Variants in ANO4 observed in about 807,000 individuals in gnomAD.
The protein encoded by ANO4 is anoctamin-4.
ANO4 carries 69 observed loss-of-function variants against 141.9 expected under a neutral mutation model. The observed-to-expected ratio is 0.49, with a 90% CI of 0.40 to 0.59. The LOEUF is 0.59. Ranked by LOEUF, ANO4 falls within the 20% of genes least tolerant of loss-of-function variation. ANO4 has a pLI of 0.00. For missense variants in ANO4, 894 were observed against 1,162.2 expected, an observed-to-expected ratio of 0.77 and a Z score of 3.36; for synonymous variants, 350 against 394.3, an observed-to-expected ratio of 0.89 and a Z score of 1.33.
chr12:101,063,830 A>C (rs2048461509), intron 14 of ANO4, among the ~76,000 whole-genome samples: 1 of 99,916 alleles, frequency 1.0e-5, no homozygotes. Context: ...TGTTTATAAT[A>C]TTCTCTTATC....
At position 100,769,043 on chromosome 12, in the gene ANO4, T is replaced by C. The variant is rs142069375; in HGVS notation, c.358+28938T>C. On this transcript the variant is annotated intron_variant, in intron 3 of 29. Coordinates refer to the ANO4 transcript ENST00000644049. Reference sequence around the variant, plus strand: ...TACAATGTGTCAAGTAGCTTCTCTGTTGAAACCAGGAAACAACCAAAATAC... The same window carrying C: ...TACAATGTGTCAAGTAGCTTCTCTGCTGAAACCAGGAAACAACCAAAATAC... Among the ~76,000 whole-genome samples, 622 of 152,296 alleles carry C rather than the reference T, an allele frequency of 4.1e-3. 6 individuals are homozygous for C. The highest frequency in any genetic ancestry group is 0.014 in the African/African-American group (584 of 41,548).
intron 13 of ANO4, among the ~76,000 whole-genome samples, chr12:101,045,420 A>G (rs143356259): frequency 7.9e-5 from 12 of 152,348 alleles, no homozygotes; most frequent in African/African-American, 2.6e-4. Flanking sequence ...GGCCTTGCCT[A>G]GAAACTTAGT....
At chr12:101,033,195 T>C (rs2047048369) in intron 9 of ANO4, among the ~76,000 whole-genome samples, 1 of 152,086 alleles carries the variant, frequency 6.6e-6, no homozygotes, top group East Asian at 1.9e-4. Flanking sequence ...GAAATCATCA[T>C]TCTCAGTAAA....
intron 2 of ANO4, among the ~76,000 whole-genome samples, chr12:100,906,709 G>T (rs950810833): frequency 6.6e-6 from 1 of 152,162 alleles, no homozygotes; most frequent in Non-Finnish European, 1.5e-5. Context: ...CAGGTAGCAG[G>T]AGAGTACAAA....
intron 1 of ANO4, among the ~76,000 whole-genome samples, chr12:100,842,742 A>G (rs1358642870): frequency 2.6e-5 from 4 of 152,042 alleles, no homozygotes; most frequent in East Asian, 1.9e-4. Context: ...CTTACATGGT[A>G]GAAGGTGGAA....
At chr12:100,861,326 C>T (rs2038463342) in intron 1 of ANO4, among the ~76,000 whole-genome samples, 1 of 152,150 alleles carries the variant, frequency 6.6e-6, no homozygotes, top group Admixed American at 6.6e-5. Flanking sequence ...GCCTACTATG[C>T]ACCTTGGGTA....
At chr12:100,759,749 C>T (rs762550914) in intron 3 of ANO4, among the ~76,000 whole-genome samples, 37 of 152,168 alleles carry the variant, frequency 2.4e-4, no homozygotes, top group Admixed American at 6.5e-4. Context: ...ATTTTGAGCC[C>T]GTTTCCCCAT....
At chr12:100,750,355 G>T (rs2032319853) in intron 3 of ANO4, among the ~76,000 whole-genome samples, 1 of 150,626 alleles carries the variant, frequency 6.6e-6, no homozygotes, top group African/African-American at 2.5e-5. Flanking sequence ...TGTTGGCCAG[G>T]CTAGTCTTGA....
At chr12:100,960,617 CAG>C (rs2043377654) in intron 5 of ANO4, among the ~76,000 whole-genome samples, 1 of 151,536 alleles carries the variant, frequency 6.6e-6, no homozygotes, top group Non-Finnish European at 1.5e-5. Flanking sequence ...AAAAAAAAGA[CAG>C]ATAGTAAAAA....
rs571001561 is a variant in ANO4, at chr12:101,079,942, A to C, written c.1395+667A>C. Among the ~76,000 whole-genome samples the C allele has an allele frequency of 4.5e-4, 69 of 152,150 alleles. 1 individual carries two copies. The highest frequency in any genetic ancestry group is 1.7e-3 in the African/African-American group (69 of 41,520). On this transcript the variant is annotated intron_variant, in intron 15 of 27. Coordinates refer to ENST00000392977, the MANE Select transcript of ANO4 (RefSeq NM_001286615.2). ...TTCCTGTCGGAAGTCTGAAGTACCC[A>C]CACTAGGCGTGGTCACCACGGTCCC...
intron 5 of ANO4, among the ~76,000 whole-genome samples, chr12:100,943,192 C>A (rs2042586371): frequency 6.6e-6 from 1 of 152,186 alleles, no homozygotes. Context: ...TTATGGTGTT[C>A]TCAGGAATAC....
intron 1 of ANO4, among the ~76,000 whole-genome samples, chr12:100,828,064 G>T (rs1199699700): frequency 4.0e-5 from 6 of 151,544 alleles, no homozygotes; most frequent in Admixed American, 2.6e-4. Flanking sequence ...ATTTTTTTTT[G>T]ATTAATGTGC....
At chr12:101,126,254 T>A (rs2051309604) in intron 26 of ANO4, among the ~76,000 whole-genome samples, 2 of 152,220 alleles carry the variant, frequency 1.3e-5, no homozygotes, top group Admixed American at 1.3e-4. Context: ...GCCCTTAAAT[T>A]GTCATCTAGT....
intron 3 of ANO4, among the ~76,000 whole-genome samples, chr12:100,777,092 ATTTT>A (rs34753022): frequency 1.6e-5 from 2 of 128,662 alleles, no homozygotes; most frequent in Non-Finnish European, 3.2e-5. Flanking sequence ...AGATATCCTG[ATTTT>A]TTTTTTTTTT....
chr12:100,809,582 C>T (rs2035272862), intron 1 of ANO4, among the ~76,000 whole-genome samples: 1 of 152,130 alleles, frequency 6.6e-6, no homozygotes, highest in African/African-American at 2.4e-5. Flanking sequence ...GACAGAGAAA[C>T]TAGCAAGTGC....
chr12:100,782,154 C>A (rs1340050938), intron 3 of ANO4, among the ~76,000 whole-genome samples: 1 of 152,188 alleles, frequency 6.6e-6, no homozygotes, highest in Non-Finnish European at 1.5e-5. Flanking sequence ...TTACTTCCTA[C>A]ATCTCTGATC....
intron 26 of ANO4, among the ~76,000 whole-genome samples, chr12:101,124,125 A>G (rs1289642338): frequency 6.6e-6 from 1 of 152,186 alleles, no homozygotes. Context: ...CCTTGCCAGC[A>G]TCTGTTGTTT....
At chr12:100,751,453 G>A (rs1321286034) in intron 3 of ANO4, among the ~76,000 whole-genome samples, 2 of 152,082 alleles carry the variant, frequency 1.3e-5, no homozygotes, top group Admixed American at 6.6e-5. Flanking sequence ...AACAGATTGG[G>A]AAACACCCTC....
intron 1 of ANO4, among the ~76,000 whole-genome samples, chr12:100,852,783 A>G (rs1162941777): frequency 1.3e-5 from 2 of 152,188 alleles, no homozygotes; most frequent in Non-Finnish European, 2.9e-5. Flanking sequence ...AAATATACAA[A>G]TATACATGTC....
Sources: gnomAD v4.1 joint callset for allele counts (sites outside exome capture counted in the v4.1 genomes callset) on GRCh38, gnomAD v4.1.1 for gene constraint, MANE v1.5 for transcripts, NCBI Gene and HGNC (gene_info 2026-07-23, HGNC 2026-07-21) for gene names.